RICTOR: variants seen among roughly 807,000 people sequenced by gnomAD.
The protein encoded by RICTOR is RPTOR independent companion of MTOR complex 2.
A neutral mutation model predicts 214.9 loss-of-function variants in RICTOR; 49 were observed. The ratio of observed to expected loss-of-function variants is 0.23; its 90% CI spans 0.18 to 0.29. The LOEUF is 0.29. Among genes scored for constraint, RICTOR ranks in the 10% least tolerant of loss-of-function variants. The probability of loss-of-function intolerance (pLI) is 1.00; values close to 1 mark genes in which losing one functional copy is unlikely to be tolerated. For missense variants in RICTOR, 1,625 were observed against 2,047.0 expected (o/e 0.79, Z 3.98); for synonymous variants, 717 against 711.3 (o/e 1.01, Z -0.13).
rs568064966 is a variant in RICTOR at position 39,005,248 on chromosome 5, A to G, written c.196-1626T>C. ...CTGCAGTTTTGAAAAATTCTATACA[A>G]TATATTTTCAAAACTACTTCTGTCC... On this transcript the variant is annotated intron_variant, in intron 3 of 37. Coordinates refer to ENST00000357387, the MANE Select transcript of RICTOR (RefSeq NM_152756.5). Among the ~76,000 whole-genome samples, 18 of 152,160 alleles carry G rather than the reference A, an allele frequency of 1.2e-4. No individual in the cohort carries two copies. In the South Asian group the frequency reaches 3.7e-3, roughly 32 times the overall value.
Position 39,050,539 on chromosome 5 carries a change from G to A in RICTOR, c.97+23572C>T, listed in dbSNP as rs145947240. Among the ~76,000 whole-genome samples, 235 of 152,046 alleles carry A rather than the reference G, an allele frequency of 1.5e-3. 2 individuals are homozygous for A. Among genetic ancestry groups the A allele is most frequent in the African/African-American group, 5.4e-3 (225 of 41,468 alleles). The stretch of plus-strand genomic sequence containing the variant: ...TTTTGTAGGGACAAGGTTTCACCAC[G>A]TTTCCCAGGCTGGTCTCAAACTCCT... On this transcript the variant is annotated intron_variant, in intron 2 of 37. Transcript: ENST00000357387.
At chr5:38,968,488 A>C (rs1400407889) in intron 11 of RICTOR, among the ~76,000 whole-genome samples, 1 of 152,072 alleles carries the variant, frequency 6.6e-6, no homozygotes, top group African/African-American at 2.4e-5. Context: ...AAACAAAAAA[A>C]AAAAAAGCCC....
intron 2 of RICTOR, among the ~76,000 whole-genome samples, chr5:39,055,109 G>A (rs907183135): frequency 5.3e-5 from 8 of 152,110 alleles, no homozygotes; most frequent in African/African-American, 1.9e-4. Context: ...TATTGTCCAA[G>A]GGGCAGAGTG....
chr5:39,012,725 TAA>T (rs1214135535), intron 3 of RICTOR, among the ~76,000 whole-genome samples: 1 of 152,200 alleles, frequency 6.6e-6, no homozygotes, highest in Non-Finnish European at 1.5e-5. Flanking sequence ...TAGAAATTGT[TAA>T]AGACTTTACA....
At position 38,967,396 on chromosome 5, in the gene RICTOR, A is replaced by G; in HGVS notation, c.1092T>C (p.Leu364=). ...CCTCAGCTGCCACAAAGCCATCTGAAAGCCTCCAACTGTCTTGGAACCTCC... is the reference window on the plus strand; with the variant it reads ...CCTCAGCTGCCACAAAGCCATCTGAGAGCCTCCAACTGTCTTGGAACCTCC... ...DPGRFQDSWR[L]SDGFVAAEAK... is the part of the protein sequence containing the mutation. The change falls in exon 13 of 38, where the codon CTT becomes CTC. Residue 364 remains leucine (L), a synonymous_variant. Transcript: ENST00000357387. 2 of 1,613,882 alleles carry G rather than the reference A, an allele frequency of 1.2e-6. No homozygotes were observed. Among genetic ancestry groups the G allele is most frequent in the Admixed American group, 1.7e-5 (1 of 60,004 alleles).
chr5:38,956,790 A>G (rs1260846968), intron 25 of RICTOR, among the ~76,000 whole-genome samples: 1 of 152,182 alleles, frequency 6.6e-6, no homozygotes, highest in East Asian at 1.9e-4. Flanking sequence ...TGATTTAAAT[A>G]TCTTCTAGGA....
intron 23 of RICTOR, 35 bp downstream of exon 23, chr5:38,958,632 A>AT: frequency 6.5e-7 from 1 of 1,536,004 alleles, no homozygotes; most frequent in Non-Finnish European, 8.8e-7. Context: ...TTTCAAAAAA[A>AT]TTTAAGTATT....
intron 3 of RICTOR, among the ~76,000 whole-genome samples, chr5:39,016,212 T>C (rs1754928644): frequency 6.6e-6 from 1 of 151,718 alleles, no homozygotes; most frequent in Non-Finnish European, 1.5e-5. Context: ...AAAAAGGATA[T>C]GGTAAAACAA....
At position 39,010,415 on chromosome 5, in the gene RICTOR, C is replaced by A. The variant is rs145044956; in HGVS notation, c.196-6793G>T. On this transcript the variant is annotated intron_variant, in intron 3 of 37. Transcript: ENST00000357387. ...GAGAACAGACTAACACAGTAAACTG[C>A]TACCACAGAGAGTGGGGCACTGCTG... Among the ~76,000 whole-genome samples, 50 of 152,298 alleles carry A rather than the reference C, an allele frequency of 3.3e-4. 1 individual carries two copies. The highest frequency in any genetic ancestry group is 7.9e-4 in the African/African-American group (33 of 41,560).
Position 38,993,983 on chromosome 5 carries a change from C to T in RICTOR, c.456+2836G>A, listed in dbSNP as rs1039966581. Among the ~76,000 whole-genome samples the T allele has an allele frequency of 5.3e-5, 8 of 152,190 alleles. No homozygotes were observed. In the East Asian group the frequency reaches 1.2e-3, roughly 22 times the overall value. On this transcript the variant is annotated intron_variant, in intron 6 of 37. Coordinates refer to ENST00000357387, the MANE Select transcript of RICTOR (RefSeq NM_152756.5). Reference sequence around the variant, plus strand: ...AGATCACGAACTCAGGAGATCAAGACCATCCTGGTTAACACGGTGAAACCG... The same window carrying T: ...AGATCACGAACTCAGGAGATCAAGATCATCCTGGTTAACACGGTGAAACCG...
intron 30 of RICTOR, 29 bp downstream of exon 30, chr5:38,952,167 A>C: frequency 7.8e-7 from 1 of 1,277,100 alleles, no homozygotes; most frequent in Non-Finnish European, 1.1e-6. Flanking sequence ...ACATTGGCTA[A>C]CTTTATATGA....
chr5:39,059,411 C>T (rs1449318026), intron 2 of RICTOR, among the ~76,000 whole-genome samples: 1 of 152,044 alleles, frequency 6.6e-6, no homozygotes, highest in African/African-American at 2.4e-5. Flanking sequence ...CAGGGTATTG[C>T]AATATTATGT....
At chr5:39,021,725 C>T (rs80073486) in intron 2 of RICTOR, among the ~76,000 whole-genome samples, 1 of 152,084 alleles carries the variant, frequency 6.6e-6, no homozygotes, top group Non-Finnish European at 1.5e-5. Context: ...CTCAGACTTC[C>T]CTGCCTCCAG....
At chr5:39,066,311 G>C (rs942606072) in intron 2 of RICTOR, among the ~76,000 whole-genome samples, 1 of 152,244 alleles carries the variant, frequency 6.6e-6, no homozygotes, top group Non-Finnish European at 1.5e-5. Flanking sequence ...TGGGATGCAG[G>C]GAGCAGTGTC....
At chr5:38,982,619 T>C (rs1315239167) in intron 7 of RICTOR, among the ~76,000 whole-genome samples, 4 of 152,254 alleles carry the variant, frequency 2.6e-5, no homozygotes, top group African/African-American at 4.8e-5. Context: ...CTTCCAAATG[T>C]TGAATCAATT....
chr5:38,966,497 G>T, intron 15 of RICTOR, 144 bp downstream of exon 15: 1 of 611,922 alleles, frequency 1.6e-6, no homozygotes. Flanking sequence ...AGTACCAAGG[G>T]CTTTTTCTAA....
intron 33 of RICTOR, 69 bp downstream of exon 33, chr5:38,946,399 T>C (rs1440740906): frequency 2.1e-6 from 2 of 964,002 alleles, no homozygotes; most frequent in Non-Finnish European, 3.3e-6. Context: ...GTTATCCTAC[T>C]AGAAAGAACT....
At chr5:38,967,294 C>G in intron 13 of RICTOR, 43 bp downstream of exon 13, 1 of 1,596,848 alleles carries the variant, frequency 6.3e-7, no homozygotes. Flanking sequence ...ACATAAAAAC[C>G]CGAATTCTAA....
Position 38,938,694 on chromosome 5 carries a change from AT to A in RICTOR, c.*3609del, listed in dbSNP as rs1747224618. On this transcript the variant is annotated 3_prime_UTR_variant, in exon 38 of 38. Coordinates refer to ENST00000357387, the MANE Select transcript of RICTOR (RefSeq NM_152756.5). ...AGAAGAAAAGAATGCTCCTAGAAAG[AT>A]TCTCACAGATTTCAGTGTTCTTTGA... is the stretch of plus-strand genomic sequence containing the variant. The A allele has an allele frequency of 4.3e-6, 1 of 232,652 alleles. No homozygotes were observed. Among genetic ancestry groups the A allele is most frequent in the South Asian group, 1.8e-4 (1 of 5,528 alleles). 14.4% of individuals were successfully genotyped at this position (232,652 alleles called of 1,614,324 possible). A position where few individuals can be genotyped will look rare whatever the true frequency, so the allele number is the denominator to read the frequency against.
Sources: gnomAD v4.1 joint callset for allele counts (sites outside exome capture counted in the v4.1 genomes callset) on GRCh38, gnomAD v4.1.1 for gene constraint, MANE v1.5 for transcripts, NCBI Gene and HGNC (gene_info 2026-07-23, HGNC 2026-07-21) for gene names.